The following PXDNL variants were observed in gnomAD, a reference collection of about 807,000 sequenced individuals.
PXDNL encodes the protein peroxidasin like.
Under a neutral mutation model 150.8 loss-of-function variants are expected in PXDNL, and 145 were observed. The ratio of observed to expected loss-of-function variants is 0.96; its 90% CI spans 0.84 to 1.10. The LOEUF is 1.10. PXDNL is among the 50% of genes least tolerant of loss of function. The probability of loss-of-function intolerance (pLI) is 0.00; values close to 1 mark genes in which losing one functional copy is unlikely to be tolerated. For synonymous variants in PXDNL, 757 were observed against 725.7 expected, an observed-to-expected ratio of 1.04 and a Z score of -0.69; for missense variants, 2,087 against 1,873.9, an observed-to-expected ratio of 1.11 and a Z score of -2.10.
intron 3 of PXDNL, among the ~76,000 whole-genome samples, chr8:51,578,148 G>A (rs555061374): frequency 2.6e-5 from 2 of 77,240 alleles, no homozygotes; most frequent in Admixed American, 1.3e-4. Flanking sequence ...GAGAGAGAGA[G>A]AAAGAAAGAG....
At chr8:51,528,133 C>T (rs901226000) in intron 4 of PXDNL, among the ~76,000 whole-genome samples, 2 of 152,148 alleles carry the variant, frequency 1.3e-5, no homozygotes, top group Non-Finnish European at 2.9e-5. Context: ...TTGACTCATC[C>T]TTAAGTTATT....
intron 2 of PXDNL, among the ~76,000 whole-genome samples, chr8:51,610,455 A>G (rs1440592863): frequency 6.6e-6 from 1 of 152,220 alleles, no homozygotes; most frequent in Non-Finnish European, 1.5e-5. Flanking sequence ...GTATTAATAG[A>G]TAGACCTTTC....
At chr8:51,571,266 G>A (rs551011712) in intron 3 of PXDNL, among the ~76,000 whole-genome samples, 37 of 151,650 alleles carry the variant, frequency 2.4e-4, no homozygotes, top group African/African-American at 7.3e-4. Flanking sequence ...TTTTTGATTC[G>A]ACATTTATTC....
intron 12 of PXDNL, among the ~76,000 whole-genome samples, chr8:51,444,913 A>ATT (rs397730480): frequency 0.11 from 16,034 of 148,466 alleles, 942 homozygotes; most frequent in Middle Eastern, 0.22. Context: ...TTATTTTTCT[A>ATT]TTTTTTTTTT....
At chr8:51,774,835 T>C (rs909123246) in intron 1 of PXDNL, among the ~76,000 whole-genome samples, 99 of 152,020 alleles carry the variant, frequency 6.5e-4, no homozygotes, top group African/African-American at 2.3e-3. Context: ...ATAATAAAAA[T>C]AAAAATAAAA....
At chr8:51,478,520 C>A (rs1160114331) in intron 6 of PXDNL, among the ~76,000 whole-genome samples, 2 of 152,158 alleles carry the variant, frequency 1.3e-5, no homozygotes, top group African/African-American at 2.4e-5. Flanking sequence ...AAAACAAAAT[C>A]AAAAACATTT....
chr8:51,575,214 A>T (rs939923884), intron 3 of PXDNL, among the ~76,000 whole-genome samples: 1 of 152,034 alleles, frequency 6.6e-6, no homozygotes, highest in African/African-American at 2.4e-5. Context: ...ATGTATATGT[A>T]TTTAATACCT....
intron 3 of PXDNL, among the ~76,000 whole-genome samples, chr8:51,580,219 A>G (rs965800375): frequency 1.7e-4 from 26 of 151,976 alleles, no homozygotes; most frequent in South Asian, 2.1e-4. Context: ...GGTGATAGAA[A>G]TGTTCTTTAT....
chr8:51,568,725 C>A (rs1156750648), intron 3 of PXDNL, among the ~76,000 whole-genome samples: 1 of 151,776 alleles, frequency 6.6e-6, no homozygotes, highest in African/African-American at 2.4e-5. Flanking sequence ...TCTGGTATTT[C>A]CATTACATGT....
chr8:51,634,311 G>T (rs1814555355), intron 2 of PXDNL, among the ~76,000 whole-genome samples: 1 of 151,808 alleles, frequency 6.6e-6, no homozygotes, highest in Non-Finnish European at 1.5e-5. Flanking sequence ...TTTCTTTCTG[G>T]GTTCTCTATT....
intron 1 of PXDNL, among the ~76,000 whole-genome samples, chr8:51,705,359 G>C (rs1483765977): frequency 2.0e-5 from 3 of 152,208 alleles, no homozygotes; most frequent in African/African-American, 7.2e-5. Flanking sequence ...TACTGGAAGA[G>C]CTCCTTAGGT....
At chr8:51,345,710 G>A (rs1806129908) in intron 20 of PXDNL, 123 bp downstream of exon 20, 2 of 577,756 alleles carry the variant, frequency 3.5e-6, no homozygotes, top group African/African-American at 3.8e-5. Flanking sequence ...TCCTTTTCAT[G>A]TGATTCATCC....
intron 17 of PXDNL, among the ~76,000 whole-genome samples, chr8:51,381,368 G>T (rs1034528375): frequency 6.6e-6 from 1 of 150,900 alleles, no homozygotes; most frequent in Non-Finnish European, 1.5e-5. Flanking sequence ...CCAATAAAAT[G>T]AGTAAAAAAA....
At chr8:51,592,427 T>A (rs1253469929) in intron 3 of PXDNL, among the ~76,000 whole-genome samples, 200 bp downstream of exon 3, 1 of 152,246 alleles carries the variant, frequency 6.6e-6, no homozygotes, top group Non-Finnish European at 1.5e-5. Context: ...CATAAATATT[T>A]GAATATTTTC....
chr8:51,463,694 T>C (rs988936164), intron 8 of PXDNL, among the ~76,000 whole-genome samples: 3 of 152,264 alleles, frequency 2.0e-5, no homozygotes, highest in East Asian at 1.9e-4. Context: ...AAGATGACCA[T>C]GTACTTAGCC....
intron 14 of PXDNL, among the ~76,000 whole-genome samples, chr8:51,420,752 G>A (rs556803344): frequency 1.5e-4 from 23 of 152,278 alleles, no homozygotes; most frequent in Middle Eastern, 6.8e-3. Context: ...GTGCAGTGGT[G>A]TGATCTTGAC....
chr8:51,532,886 A>C (rs1811935974), intron 4 of PXDNL, among the ~76,000 whole-genome samples: 1 of 152,214 alleles, frequency 6.6e-6, no homozygotes, highest in African/African-American at 2.4e-5. Context: ...CCTATACCCA[A>C]ACATCTTGTT....
At chr8:51,613,312 G>C (rs1814057681) in intron 2 of PXDNL, among the ~76,000 whole-genome samples, 1 of 151,938 alleles carries the variant, frequency 6.6e-6, no homozygotes, top group Non-Finnish European at 1.5e-5. Flanking sequence ...GTGCTTTACA[G>C]GCAGCAAAGT....
intron 19 of PXDNL, among the ~76,000 whole-genome samples, chr8:51,365,730 G>C (rs1362199100): frequency 6.6e-6 from 1 of 152,218 alleles, no homozygotes; most frequent in Non-Finnish European, 1.5e-5. Context: ...AACCCAAAAT[G>C]ATGGTAACTG....
Sources: gnomAD v4.1 joint callset for allele counts (sites outside exome capture counted in the v4.1 genomes callset) on GRCh38, gnomAD v4.1.1 for gene constraint, MANE v1.5 for transcripts, NCBI Gene and HGNC (gene_info 2026-07-23, HGNC 2026-07-21) for gene names.